PRPF38B: variants seen among roughly 807,000 people sequenced by gnomAD.
PRPF38B encodes pre-mRNA-splicing factor 38B.
In PRPF38B, 18 loss-of-function variants were observed where a neutral mutation model predicts 67.2. That is an observed-to-expected ratio of 0.27 (90% CI 0.19 to 0.40). The LOEUF (loss-of-function observed/expected upper bound fraction) is 0.40, where lower values mean the gene tolerates loss of function less well. Among genes scored for constraint, PRPF38B ranks in the 10% least tolerant of loss-of-function variants. The pLI is 1.00. For missense variants in PRPF38B, 544 were observed against 684.9 expected (o/e 0.79, Z 2.30); for synonymous variants, 246 against 234.2 (o/e 1.05, Z -0.46).
intron 4 of PRPF38B, chr1:108,697,675 C>T (rs1660042022): frequency 1.3e-5 from 2 of 152,070 alleles, no homozygotes; most frequent in Non-Finnish European, 2.9e-5. Context: ...TCCCTTCTGT[C>T]TTTAAAAAAG....
rs1171043950 is a variant in PRPF38B, at chr1:108,702,037, G to T, written c.*2017G>T. The stretch of plus-strand genomic sequence containing the variant: ...GACTATTTTAAGTAAAATGTGGAAA[G>T]AATTTAAATTACTTCACATGGAGGT... On this transcript the variant is annotated 3_prime_UTR_variant, in exon 6 of 6. Transcript: ENST00000370025. 1.3e-5 allele frequency among the ~76,000 whole-genome samples: 2 copies of T among 152,224 alleles called. No homozygotes were observed. Among genetic ancestry groups the T allele is most frequent in the Non-Finnish European group, 2.9e-5 (2 of 68,032 alleles).
chr1:108,697,318 G>A (rs577195815), intron 4 of PRPF38B: 1 of 152,664 alleles, frequency 6.6e-6, no homozygotes, highest in East Asian at 1.9e-4. Context: ...ATGAAATGAT[G>A]AGCTGTATTG....
At chr1:108,696,669 A>T in intron 4 of PRPF38B, 1 of 711,220 alleles carries the variant, frequency 1.4e-6, no homozygotes, top group Non-Finnish European at 2.6e-6. Flanking sequence ...CATGCTCAAG[A>T]TCGAACAGAT....
rs866897541 is a variant in PRPF38B, at chr1:108,700,247, T to G, written c.*227T>G. 1.6e-5 allele frequency: 11 copies of G among 688,908 alleles called. No homozygotes were observed. The Middle Eastern group carries it at 1.4e-3, about 86-fold the overall frequency. The allele number at this position is 688,908 out of a possible 1,614,324, so 42.7% of individuals were successfully genotyped here. A position where few individuals can be genotyped will look rare whatever the true frequency, so the allele number is the denominator to read the frequency against. On this transcript the variant is annotated 3_prime_UTR_variant, in exon 6 of 6. Coordinates refer to ENST00000370025, the MANE Select transcript of PRPF38B (RefSeq NM_018061.4). The stretch of plus-strand genomic sequence containing the variant: ...CATGATGCACAGATTGTTCTTGCAT[T>G]TTTATTGTTTGTTTTTGAAATGTAC...
At position 108,692,560 on chromosome 1, in the gene PRPF38B, C is replaced by G. The variant is rs769822169; in HGVS notation, c.-32C>G. On this transcript the variant is annotated 5_prime_UTR_variant, in exon 1 of 6. Coordinates refer to ENST00000370025, the MANE Select transcript of PRPF38B (RefSeq NM_018061.4). The stretch of plus-strand genomic sequence containing the variant: ...GATCGAGCTTGGCCCCCTCCCCCCC[C>G]TCCTTCCCTCCCTCCTTCCTTCCGC... 319 of 1,513,238 alleles carry G rather than the reference C, an allele frequency of 2.1e-4. No individual in the cohort carries two copies. The highest frequency in any genetic ancestry group is 1.2e-4 in the South Asian group (10 of 80,134). The allele number at this position is 1,513,238 out of a possible 1,614,324, so 93.7% of individuals were successfully genotyped here.
In PRPF38B at chr1:108,698,643, A is replaced by G. The variant is rs1660122523; in HGVS notation, c.598A>G (p.Ile200Val). ...GGCTGGTGGAGGCTGTGTAATGACC[A>G]TTGGAGAAATGCTACGATCTTTTCT... ...VKAGGGCVMT[I>V]GEMLRSFLTK... The change falls in exon 5 of 6, where the codon ATT (isoleucine) becomes GTT (valine). Residue 200 changes from isoleucine (I) to valine (V), a missense_variant. Around this residue, in one of 5 missense-constraint regions of PRPF38B, gnomAD observed 57 missense variants for 122.7 expected, o/e 0.46. Transcript: ENST00000370025. The G allele has an allele frequency of 1.2e-6, 2 of 1,613,932 alleles. No homozygotes were observed. The highest frequency in any genetic ancestry group is 1.7e-6 in the Non-Finnish European group (2 of 1,179,970).
In PRPF38B at chr1:108,692,346, G is replaced by A. The variant is rs559272132; in HGVS notation, c.-246G>A. On this transcript the variant is annotated 5_prime_UTR_variant, in exon 1 of 6. Coordinates refer to ENST00000370025, the MANE Select transcript of PRPF38B (RefSeq NM_018061.4). ...AGGGGCAGTTGGCGGAAGAGATCGAGCTCCCTGGCTGCCGGCTCGCCTTCT... is the reference window on the plus strand; with the variant it reads ...AGGGGCAGTTGGCGGAAGAGATCGAACTCCCTGGCTGCCGGCTCGCCTTCT... 3.2e-4 allele frequency: 179 copies of A among 553,330 alleles called. 2 individuals are homozygous for A. In the South Asian group the frequency reaches 4.0e-3, roughly 12 times the overall value. 34.3% of individuals were successfully genotyped at this position (553,330 alleles called of 1,614,324 possible). A position where few individuals can be genotyped will look rare whatever the true frequency, so the allele number is the denominator to read the frequency against.
At chr1:108,695,811 A>G (rs765575026) in intron 2 of PRPF38B, 41 bp downstream of exon 2, 3 of 1,592,360 alleles carry the variant, frequency 1.9e-6, no homozygotes, top group Non-Finnish European at 2.6e-6. Flanking sequence ...TTCTGTGTCT[A>G]ATAACTAAGT....
Position 108,699,867 on chromosome 1 carries a change from A to C in PRPF38B, c.1488A>C (p.Lys496Asn). 6.2e-7 allele frequency: 1 copy of C among 1,614,112 alleles called. No individual in the cohort carries two copies. The highest frequency in any genetic ancestry group is 8.5e-7 in the Non-Finnish European group (1 of 1,180,008). ...KKREHSPSKE[K>N]SRKRSRSKER... ...GGGAACATAGTCCCAGCAAAGAAAA[A>C]TCTAGAAAGCGTAGTAGAAGCAAAG... The change falls in exon 6 of 6, where the codon AAA becomes AAC. Residue 496 changes from lysine to asparagine, a missense_variant. Lys to Asn is a moderately conservative substitution (Grantham distance 94). This residue lies in a region of PRPF38B where 387 missense variants were observed against 386.1 expected (regional missense o/e 1.00). Coordinates refer to ENST00000370025, the MANE Select transcript of PRPF38B (RefSeq NM_018061.4).
chr1:108,698,687 T>C lies in PRPF38B; in HGVS notation c.642T>C (p.Phe214=). The C allele has an allele frequency of 6.2e-7, 1 of 1,614,080 alleles. No individual in the cohort carries two copies. Among genetic ancestry groups the C allele is most frequent in the Non-Finnish European group, 8.5e-7 (1 of 1,179,954 alleles). Residue 214 remains phenylalanine (F), a synonymous_variant, in exon 5 of 6, where the codon TTT becomes TTC. Coordinates refer to ENST00000370025, the MANE Select transcript of PRPF38B (RefSeq NM_018061.4). The part of the protein sequence containing the change: ...LRSFLTKLEW[F]STLFPRIPVP... ...CTTTTCTCACAAAACTGGAGTGGTTTTCTACCTTGTTTCCAAGAATTCCAG... is the reference window on the plus strand; with the variant it reads ...CTTTTCTCACAAAACTGGAGTGGTTCTCTACCTTGTTTCCAAGAATTCCAG...
At chr1:108,695,480 C>T (rs932428316) in intron 1 of PRPF38B, among the ~76,000 whole-genome samples, 1 of 152,160 alleles carries the variant, frequency 6.6e-6, no homozygotes, top group African/African-American at 2.4e-5. Context: ...CTCTGCAAAG[C>T]TATTAAGGTT....
Position 108,699,912 on chromosome 1 carries a change from T to G in PRPF38B, c.1533T>G (p.Asp511Glu), listed in dbSNP as rs1660295235. The change falls in exon 6 of 6, where the codon GAT becomes GAG. Residue 511 changes from aspartate (D) to glutamate (E), a missense_variant. By Grantham distance (45) the Asp-to-Glu change is conservative (BLOSUM62 2). Transcript: ENST00000370025. ...GCAAAGAACGTTCCCACAAACGAGATCACAGTGATAGTAAGGACCAGTCAG... is the reference window on the plus strand; with the variant it reads ...GCAAAGAACGTTCCCACAAACGAGAGCACAGTGATAGTAAGGACCAGTCAG... The part of the protein sequence containing the change: ...SRSKERSHKR[D>E]HSDSKDQSDK... 6.2e-7 allele frequency: 1 copy of G among 1,613,630 alleles called. No individual in the cohort carries two copies. The highest frequency in any genetic ancestry group is 1.3e-5 in the African/African-American group (1 of 74,744).
Position 108,700,071 on chromosome 1 carries a change from G to C in PRPF38B, c.*51G>C. The C allele has an allele frequency of 1.3e-6, 2 of 1,525,402 alleles. 1 individual carries two copies. The highest frequency in any genetic ancestry group is 2.7e-5 in the South Asian group (2 of 74,186). 94.5% of individuals were successfully genotyped at this position (1,525,402 alleles called of 1,614,324 possible). Reference sequence around the variant, plus strand: ...TTGAATCCTATAAATGATTAAATCTGCTTTTTTCCCCCACGTTGAGATTGT... The same window carrying C: ...TTGAATCCTATAAATGATTAAATCTCCTTTTTTCCCCCACGTTGAGATTGT... On this transcript the variant is annotated 3_prime_UTR_variant, in exon 6 of 6. Transcript: ENST00000370025.
At position 108,692,611 on chromosome 1, in the gene PRPF38B, C is replaced by T. The variant is rs1169135129; in HGVS notation, c.20C>T (p.Ala7Val). 6.2e-7 allele frequency: 1 copy of T among 1,601,336 alleles called. No individual in the cohort carries two copies. The change falls in exon 1 of 6, where the codon GCG becomes GTG. Residue 7 changes from alanine to valine, a missense_variant. Physicochemically the swap from Ala to Val is moderately conservative, Grantham distance 64. Transcript: ENST00000370025. MANNSPALTGNSQPQHQ... is the reference protein window; with the variant it reads MANNSPVLTGNSQPQHQ... Reference sequence around the variant, plus strand: ...CGCAACATGGCTAACAACAGCCCCGCGCTGACAGGCAACTCGCAGCCGCAG... The same window carrying T: ...CGCAACATGGCTAACAACAGCCCCGTGCTGACAGGCAACTCGCAGCCGCAG...
At position 108,692,490 on chromosome 1, in the gene PRPF38B, G is replaced by A; in HGVS notation, c.-102G>A. 1.5e-6 allele frequency: 2 copies of A among 1,335,054 alleles called. No individual in the cohort carries two copies. Among genetic ancestry groups the A allele is most frequent in the South Asian group, 3.1e-5 (2 of 65,560 alleles). The allele number at this position is 1,335,054 out of a possible 1,614,324, so 82.7% of individuals were successfully genotyped here. On this transcript the variant is annotated 5_prime_UTR_variant, in exon 1 of 6. Transcript: ENST00000370025. The stretch of plus-strand genomic sequence containing the variant: ...CAGCGAGGCGGCCCCTTCTCCCGAC[G>A]ACGTTCGATGGAGTAGGGTCCCAGA...
Position 108,699,838 on chromosome 1 carries a change from A to C in PRPF38B, c.1459A>C (p.Lys487Gln). 6.2e-7 allele frequency: 1 copy of C among 1,613,028 alleles called. No individual in the cohort carries two copies. The highest frequency in any genetic ancestry group is 8.5e-7 in the Non-Finnish European group (1 of 1,179,798). ...GRTDSVEKSK[K>Q]REHSPSKEKS... is the part of the protein sequence containing the mutation. ...AACTGACAGTGTTGAAAAATCAAAA[A>C]AACGGGAACATAGTCCCAGCAAAGA... The change falls in exon 6 of 6, where the codon AAA becomes CAA. Residue 487 changes from lysine (K) to glutamine (Q), a missense_variant. Lys to Gln is a moderately conservative substitution (Grantham distance 53). This residue lies in a region of PRPF38B where 387 missense variants were observed against 386.1 expected (regional missense o/e 1.00). Coordinates refer to ENST00000370025, the MANE Select transcript of PRPF38B (RefSeq NM_018061.4).
chr1:108,692,357 G>C lies in PRPF38B; in HGVS notation c.-235G>C. 1 of 559,602 alleles carries C rather than the reference G, an allele frequency of 1.8e-6. No individual in the cohort carries two copies. The highest frequency in any genetic ancestry group is 3.2e-6 in the Non-Finnish European group (1 of 317,174). 34.7% of individuals were successfully genotyped at this position (559,602 alleles called of 1,614,324 possible). On this transcript the variant is annotated 5_prime_UTR_variant, in exon 1 of 6. Transcript: ENST00000370025. ...GCGGAAGAGATCGAGCTCCCTGGCT[G>C]CCGGCTCGCCTTCTGCGTGGAGTTC...
In PRPF38B at chr1:108,692,474, G is replaced by T; in HGVS notation, c.-118G>T. Reference sequence around the variant, plus strand: ...TTGCCCAGCTGGGGCACAGCGAGGCGGCCCCTTCTCCCGACGACGTTCGAT... The same window carrying T: ...TTGCCCAGCTGGGGCACAGCGAGGCTGCCCCTTCTCCCGACGACGTTCGAT... On this transcript the variant is annotated 5_prime_UTR_variant, in exon 1 of 6. Coordinates refer to ENST00000370025, the MANE Select transcript of PRPF38B (RefSeq NM_018061.4). The T allele has an allele frequency of 8.3e-7, 1 of 1,208,006 alleles. No homozygotes were observed. Among genetic ancestry groups the T allele is most frequent in the South Asian group, 1.6e-5 (1 of 62,874 alleles). 74.8% of individuals were successfully genotyped at this position (1,208,006 alleles called of 1,614,324 possible). A position where few individuals can be genotyped will look rare whatever the true frequency, so the allele number is the denominator to read the frequency against.
In PRPF38B at chr1:108,702,153, C is replaced by T. The variant is rs1057243519; in HGVS notation, c.*2133C>T. ...TAGTTTGTTTTTGTTTTGAGACGGG[C>T]CTGGCTCTGTCACCCAGACTGGAGT... On this transcript the variant is annotated 3_prime_UTR_variant, in exon 6 of 6. Transcript: ENST00000370025. 4.6e-5 allele frequency among the ~76,000 whole-genome samples: 7 copies of T among 152,142 alleles called. No individual in the cohort carries two copies. Among genetic ancestry groups the T allele is most frequent in the Non-Finnish European group, 8.8e-5 (6 of 68,022 alleles).
Sources: allele counts gnomAD v4.1 joint callset (sites outside exome capture counted in the v4.1 genomes callset), GRCh38; gene constraint gnomAD v4.1.1; regional missense constraint gnomAD v4.1.1; transcripts MANE v1.5; gene names NCBI Gene and HGNC (gene_info 2026-07-23, HGNC 2026-07-21).